The following CSMD1 variants were observed in gnomAD, a reference collection of about 807,000 sequenced individuals.
CSMD1 encodes CUB and sushi domain-containing protein 1.
CSMD1 carries 213 observed loss-of-function variants against 417.5 expected under a neutral mutation model. The ratio of observed to expected loss-of-function variants is 0.51; its 90% CI spans 0.46 to 0.57. The LOEUF is 0.57. Among genes scored for constraint, CSMD1 ranks in the 20% least tolerant of loss-of-function variants. CSMD1 has a pLI of 0.00. For missense variants in CSMD1, 6,923 were observed against 4,529.7 expected, an observed-to-expected ratio of 1.53 and a Z score of -15.17; for synonymous variants, 2,862 against 1,736.8, an observed-to-expected ratio of 1.65 and a Z score of -16.11.
intron 25 of CSMD1, among the ~76,000 whole-genome samples, chr8:3,301,706 C>A (rs369927121): frequency 2.6e-5 from 4 of 152,054 alleles, no homozygotes; most frequent in South Asian, 4.2e-4. Context: ...CCTGGAAAGC[C>A]GCACTAAGCC....
intron 7 of CSMD1, among the ~76,000 whole-genome samples, chr8:3,706,033 G>A (rs75227465): frequency 0.044 from 6,630 of 152,302 alleles, 215 homozygotes; most frequent in South Asian, 0.071. Context: ...AAGAGGAAAC[G>A]GGGCTCATGG....
chr8:4,318,295 C>A (rs957429161), intron 3 of CSMD1, among the ~76,000 whole-genome samples: 2 of 152,210 alleles, frequency 1.3e-5, no homozygotes, highest in East Asian at 1.9e-4. Flanking sequence ...ACTTTCTAAT[C>A]TTTGCAGACA....
At chr8:4,921,229 G>A (rs1476580619) in intron 1 of CSMD1, among the ~76,000 whole-genome samples, 1 of 152,172 alleles carries the variant, frequency 6.6e-6, no homozygotes, top group African/African-American at 2.4e-5. Flanking sequence ...GTTCCATTCA[G>A]AAACCTCTTC....
intron 3 of CSMD1, among the ~76,000 whole-genome samples, chr8:4,259,047 C>T (rs1206140726): frequency 6.6e-6 from 1 of 152,150 alleles, no homozygotes; most frequent in Admixed American, 6.5e-5. Context: ...AAAAATTGTG[C>T]AAAGACCCTG....
At chr8:3,307,223 T>C (rs1804940639) in intron 25 of CSMD1, among the ~76,000 whole-genome samples, 1 of 151,938 alleles carries the variant, frequency 6.6e-6, no homozygotes, top group Non-Finnish European at 1.5e-5. Context: ...GGAAATTTGT[T>C]CATCCCTTGC....
At chr8:3,747,203 A>G (rs1402269535) in intron 6 of CSMD1, among the ~76,000 whole-genome samples, 1 of 152,312 alleles carries the variant, frequency 6.6e-6, no homozygotes, top group Admixed American at 6.5e-5. Context: ...CGAGAGCCAC[A>G]GCCCTTAATC....
At chr8:3,358,540 A>G (rs756471236) in intron 21 of CSMD1, among the ~76,000 whole-genome samples, 10 of 152,186 alleles carry the variant, frequency 6.6e-5, no homozygotes, top group South Asian at 4.1e-4. Context: ...CAGCAAGCCA[A>G]TTCCTGCATG....
At chr8:3,199,861 C>T (rs376365236) in intron 32 of CSMD1, 52 bp from the exon 33 acceptor site, 74 of 1,102,438 alleles carry the variant, frequency 6.7e-5, no homozygotes, top group East Asian at 3.2e-4. Context: ...CCGTGGGGGA[C>T]GGTAGTATTT....
intron 2 of CSMD1, among the ~76,000 whole-genome samples, chr8:4,572,552 T>G (rs532254725): frequency 6.6e-6 from 1 of 152,278 alleles, no homozygotes; most frequent in East Asian, 1.9e-4. Context: ...CCTTAGCATT[T>G]TTTCCTGTGT....
At chr8:3,888,647 G>A (rs773256779) in intron 5 of CSMD1, among the ~76,000 whole-genome samples, 5 of 152,118 alleles carry the variant, frequency 3.3e-5, no homozygotes, top group African/African-American at 4.8e-5. Context: ...GCTCTATCAT[G>A]TTGAGATTAA....
intron 3 of CSMD1, among the ~76,000 whole-genome samples, chr8:4,246,391 G>A (rs1159433066): frequency 6.6e-6 from 1 of 152,158 alleles, no homozygotes; most frequent in Non-Finnish European, 1.5e-5. Context: ...ATATTCTGCA[G>A]CTGCTGTTGT....
chr8:4,329,243 C>T (rs896965409), intron 3 of CSMD1, among the ~76,000 whole-genome samples: 2 of 152,056 alleles, frequency 1.3e-5, no homozygotes, highest in Admixed American at 1.3e-4. Context: ...TTGACATATG[C>T]ACAGAATACA....
At chr8:3,772,710 C>T (rs923930745) in intron 5 of CSMD1, among the ~76,000 whole-genome samples, 4 of 145,260 alleles carry the variant, frequency 2.8e-5, no homozygotes, top group African/African-American at 7.6e-5. Context: ...TACACACACA[C>T]ATATATATAT....
At chr8:4,008,055 G>A (rs1321443872) in intron 4 of CSMD1, among the ~76,000 whole-genome samples, 1 of 152,302 alleles carries the variant, frequency 6.6e-6, no homozygotes, top group East Asian at 1.9e-4. Context: ...CAGCAAGCAG[G>A]AAAACCACAA....
chr8:4,422,033 T>C (rs943412964), intron 2 of CSMD1, among the ~76,000 whole-genome samples: 10 of 152,074 alleles, frequency 6.6e-5, no homozygotes, highest in East Asian at 1.9e-4. Flanking sequence ...ATATGTAAAA[T>C]TGGCAACTAA....
chr8:3,793,210 A>AC (rs1170476477), intron 5 of CSMD1, among the ~76,000 whole-genome samples: 6 of 152,070 alleles, frequency 3.9e-5, no homozygotes, highest in African/African-American at 1.4e-4. Flanking sequence ...TTTTCTCTCA[A>AC]CCGCTATGGT....
intron 42 of CSMD1, among the ~76,000 whole-genome samples, chr8:3,114,054 A>AAAACAAAC (rs139727872): frequency 9.3e-5 from 14 of 150,626 alleles, no homozygotes; most frequent in East Asian, 1.9e-4. Context: ...CCCATCTATT[A>AAAACAAAC]AAACAAACAA....
chr8:4,927,122 TTAA>T (rs977011494), intron 1 of CSMD1, among the ~76,000 whole-genome samples: 37 of 147,782 alleles, frequency 2.5e-4, no homozygotes, highest in Middle Eastern at 3.3e-3. Flanking sequence ...ATTATTATTA[TTAA>T]GATAGACACT....
intron 1 of CSMD1, among the ~76,000 whole-genome samples, chr8:4,925,713 A>C (rs1230963114): frequency 6.6e-6 from 1 of 151,692 alleles, no homozygotes; most frequent in African/African-American, 2.4e-5. Flanking sequence ...CGCAGGGCTA[A>C]TTTTTTTGTA....
Sources: allele counts gnomAD v4.1 joint callset (sites outside exome capture counted in the v4.1 genomes callset), GRCh38; gene constraint gnomAD v4.1.1; transcripts MANE v1.5; gene names NCBI Gene and HGNC (gene_info 2026-07-23, HGNC 2026-07-21).